KNL1: variants seen among roughly 807,000 people sequenced by gnomAD.
KNL1 encodes kinetochore scaffold 1, also known as outer kinetochore KNL1 complex subunit KNL1.
A neutral mutation model predicts 201.3 loss-of-function variants in KNL1; 66 were observed. The observed-to-expected ratio is 0.33, with a 90% CI of 0.27 to 0.40. The LOEUF (loss-of-function observed/expected upper bound fraction) is 0.40. KNL1 is among the 10% of genes least tolerant of loss of function. The pLI is 1.00. For synonymous variants in KNL1, 895 were observed against 899.2 expected, an observed-to-expected ratio of 1.00 and a Z score of 0.08; for missense variants, 2,815 against 2,690.5, an observed-to-expected ratio of 1.05 and a Z score of -1.02.
chr15:40,622,877 T>C lies in KNL1; in HGVS notation c.2613T>C (p.Asp871=). The C allele has an allele frequency of 6.2e-7, 1 of 1,613,092 alleles. No homozygotes were observed. The highest frequency in any genetic ancestry group is 2.2e-5 in the East Asian group (1 of 44,862). ...TIVFSEDDKN[D]MDITKSYTIE... ...TATTTTCAGAAGACGATAAGAATGA[T>C]ATGGATATCACTAAGAGTTATACAA... is the stretch of plus-strand genomic sequence containing the variant. The change falls in exon 10 of 26, where the codon GAT becomes GAC. Residue 871 remains aspartate (D), a synonymous_variant. Transcript: ENST00000399668.
In KNL1 at chr15:40,620,837, G is replaced by C. The variant is rs1892496619; in HGVS notation, c.573G>C (p.Glu191Asp). Reference protein sequence around the residue: ...SFLANLKLHTEDSRMKKEVNF... With the variant: ...SFLANLKLHTDDSRMKKEVNF... ...TAGCTAATTTAAAGCTTCACACCGA[G>C]GACTCAAGAATGAAAAAAGAAGTAA... Residue 191 changes from glutamate (E) to aspartate (D), a missense_variant, in exon 10 of 26, where the codon GAG becomes GAC. Transcript: ENST00000399668. The C allele has an allele frequency of 6.2e-7, 1 of 1,600,432 alleles. No homozygotes were observed.
chr15:40,638,594 T>C (rs1893127925), intron 13 of KNL1, among the ~76,000 whole-genome samples: 1 of 151,396 alleles, frequency 6.6e-6, no homozygotes, highest in Non-Finnish European at 1.5e-5. Flanking sequence ...CGGGTTCAAG[T>C]GATTTTCTCG....
rs1892792802 is a variant in KNL1 at position 40,627,591 on chromosome 15, G to C, written c.5377-479G>C. Among the ~76,000 whole-genome samples the C allele has an allele frequency of 2.0e-5, 3 of 152,124 alleles. No homozygotes were observed. In the South Asian group the frequency reaches 6.2e-4, roughly 31 times the overall value. On this transcript the variant is annotated intron_variant, in intron 10 of 25. Transcript: ENST00000399668. ...GCATTTAAAGCTGTGAAGTCAAATG[G>C]TTAAAATAGTAAAAGCAGGACCACA...
intron 13 of KNL1, among the ~76,000 whole-genome samples, chr15:40,636,006 T>G (rs556233152): frequency 6.7e-4 from 102 of 152,186 alleles, no homozygotes; most frequent in Non-Finnish European, 1.3e-3. Flanking sequence ...CCTGGCTAAT[T>G]TTTGTATTTT....
intron 10 of KNL1, 156 bp downstream of exon 10, chr15:40,625,796 C>A: frequency 1.7e-6 from 1 of 581,788 alleles, no homozygotes; most frequent in South Asian, 2.5e-5. Context: ...TATGTAGAAC[C>A]TTCAGAAATT....
Position 40,611,488 on chromosome 15 carries a change from A to G in KNL1, c.261A>G (p.Thr87=), listed in dbSNP as rs1206690426. 1 of 229,722 alleles carries G rather than the reference A, an allele frequency of 4.4e-6. No homozygotes were observed. Among genetic ancestry groups the G allele is most frequent in the African/African-American group, 2.4e-5 (1 of 42,376 alleles). The allele number at this position is 229,722 out of a possible 1,614,324, so 14.2% of individuals were successfully genotyped here. A position where few individuals can be genotyped will look rare whatever the true frequency, so the allele number is the denominator to read the frequency against. Residue 87 remains threonine (T), a synonymous_variant, in exon 7 of 26, where the codon ACA becomes ACG. Transcript: ENST00000399668. ...TAATTTTATTTTTAGAAACAGAAAC[A>G]GGAGAAAATCTTCTTTTGATACAGT... is the stretch of plus-strand genomic sequence containing the variant. ...VRKSEMEETE[T]GENLLLIQNK... is the part of the protein sequence containing the mutation.
rs758001293 is a variant in KNL1 at position 40,624,291 on chromosome 15, A to G, written c.4027A>G (p.Asn1343Asp). Residue 1343 changes from asparagine (N) to aspartate (D), a missense_variant, in exon 10 of 26, where the codon AAT becomes GAT. By Grantham distance (23) the Asn-to-Asp change is conservative. Transcript: ENST00000399668. ...CPVQNDLAYA[N>D]DFASEYYLES... ...AGTGCAAAATGATCTTGCTTATGCA[A>G]ATGATTTTGCCAGTGAATATTACTT... 24 of 1,613,970 alleles carry G rather than the reference A, an allele frequency of 1.5e-5. No individual in the cohort carries two copies. The highest frequency in any genetic ancestry group is 7.7e-5 in the South Asian group (7 of 91,084).
rs1297944311 is a variant in KNL1, at chr15:40,624,751, A to C, written c.4487A>C (p.Glu1496Ala). ...AACAAGCCCAAAATACTCAATAGTGAGGAATGGTTTGCTGCAGCCTGTAAA... is the reference window on the plus strand; with the variant it reads ...AACAAGCCCAAAATACTCAATAGTGCGGAATGGTTTGCTGCAGCCTGTAAA... ...CENKPKILNS[E>A]EWFAAACKKE... Residue 1496 changes from glutamate (E) to alanine (A), a missense_variant, in exon 10 of 26, where the codon GAG becomes GCG. By Grantham distance (107) the Glu-to-Ala change is moderately radical. Coordinates refer to ENST00000399668, the MANE Select transcript of KNL1 (RefSeq NM_144508.5). The C allele has an allele frequency of 6.2e-7, 1 of 1,613,936 alleles. No individual in the cohort carries two copies.
intron 10 of KNL1, 105 bp from the exon 11 acceptor site, chr15:40,627,965 A>G (rs1892800980): frequency 1.4e-6 from 1 of 735,970 alleles, no homozygotes; most frequent in South Asian, 3.1e-5. Context: ...ATTTCATATG[A>G]ATTATAGATT....
At chr15:40,651,296 A>T (rs948416367) in intron 19 of KNL1, among the ~76,000 whole-genome samples, 175 bp from the exon 20 acceptor site, 22 of 47,004 alleles carry the variant, frequency 4.7e-4, no homozygotes, top group African/African-American at 1.6e-3. Context: ...ATGCTTATAT[A>T]AAAAAAAAAA....
intron 4 of KNL1, among the ~76,000 whole-genome samples, chr15:40,608,611 G>A (rs1018803684): frequency 6.6e-6 from 1 of 151,860 alleles, no homozygotes; most frequent in Admixed American, 6.6e-5. Flanking sequence ...TGGTCGTGGT[G>A]ACGTATGCCT....
chr15:40,637,887 A>C (rs1435045200), intron 13 of KNL1, among the ~76,000 whole-genome samples: 1 of 151,956 alleles, frequency 6.6e-6, no homozygotes, highest in Non-Finnish European at 1.5e-5. Flanking sequence ...AAAAAAATCC[A>C]AAATACTTAG....
intron 13 of KNL1, among the ~76,000 whole-genome samples, chr15:40,637,276 C>G (rs1456615347): frequency 6.7e-6 from 1 of 150,146 alleles, no homozygotes; most frequent in Non-Finnish European, 1.5e-5. Flanking sequence ...TAGAGTTTAC[C>G]ACAGTCCAGA....
chr15:40,625,493 A>G lies in KNL1; in HGVS notation c.5229A>G (p.Gln1743=). The G allele has an allele frequency of 6.2e-7, 1 of 1,613,478 alleles. No homozygotes were observed. ...TEEKALIETY[Q]KEISPYENKM... is the part of the protein sequence containing the mutation. ...AAAAGGCCTTGATTGAGACATACCAAAAAGAGATTTCACCATATGAAAATA... is the reference window on the plus strand; with the variant it reads ...AAAAGGCCTTGATTGAGACATACCAGAAAGAGATTTCACCATATGAAAATA... The change falls in exon 10 of 26, where the codon CAA becomes CAG. Residue 1743 remains glutamine, a synonymous_variant. Transcript: ENST00000399668.
rs1893950171 is a variant in KNL1, at chr15:40,662,876, C to G, written c.*688C>G. The G allele has an allele frequency of 5.7e-6, 1 of 176,714 alleles. No homozygotes were observed. Among genetic ancestry groups the G allele is most frequent in the East Asian group, 9.6e-5 (1 of 10,462 alleles). 10.9% of individuals were successfully genotyped at this position (176,714 alleles called of 1,614,324 possible). On this transcript the variant is annotated 3_prime_UTR_variant, in exon 26 of 26. Transcript: ENST00000399668. ...TTAGGAGCTTAAGGCAGGAGGATCACTTGAGCCCAGGAGGCAGAGGTTGCA... is the reference window on the plus strand; with the variant it reads ...TTAGGAGCTTAAGGCAGGAGGATCAGTTGAGCCCAGGAGGCAGAGGTTGCA...
At chr15:40,661,310 A>C (rs927386495) in intron 25 of KNL1, among the ~76,000 whole-genome samples, 5 of 151,762 alleles carry the variant, frequency 3.3e-5, no homozygotes, top group Non-Finnish European at 7.4e-5. Context: ...GGCCAACATG[A>C]TGAAACCCCA....
intron 3 of KNL1, among the ~76,000 whole-genome samples, chr15:40,605,882 A>G (rs1891954624): frequency 6.6e-6 from 1 of 151,886 alleles, no homozygotes; most frequent in South Asian, 2.1e-4. Context: ...TGCTTTTTCT[A>G]CTCTTAGTGC....
Position 40,645,014 on chromosome 15 carries a change from C to G in KNL1, c.5816C>G (p.Ser1939Trp), listed in dbSNP as rs754738775. The G allele has an allele frequency of 1.2e-6, 2 of 1,610,434 alleles. No individual in the cohort carries two copies. Among genetic ancestry groups the G allele is most frequent in the Non-Finnish European group, 1.7e-6 (2 of 1,177,694 alleles). The change falls in exon 15 of 26, where the codon TCG becomes TGG. Residue 1939 changes from serine (S) to tryptophan (W), a missense_variant. By Grantham distance (177) the Ser-to-Trp change is radical. Coordinates refer to ENST00000399668, the MANE Select transcript of KNL1 (RefSeq NM_144508.5). The part of the protein sequence containing the change: ...QKIEELKLSA[S>W]NQDKLLVDIN... ...TATTTTAGATTAAAGCTTTCTGCAT[C>G]GAACCAAGATAAGCTGTTGGTTGAT...
At chr15:40,604,086 C>T (rs1891896187) in intron 2 of KNL1, among the ~76,000 whole-genome samples, 1 of 151,734 alleles carries the variant, frequency 6.6e-6, no homozygotes, top group Non-Finnish European at 1.5e-5. Context: ...GAGTCAAGTT[C>T]TGCCTCCTAC....
Sources: gnomAD v4.1 joint callset for allele counts (sites outside exome capture counted in the v4.1 genomes callset) on GRCh38, gnomAD v4.1.1 for gene constraint, MANE v1.5 for transcripts, NCBI Gene and HGNC (gene_info 2026-07-23, HGNC 2026-07-21) for gene names.